PCDH9: variants seen among roughly 807,000 people sequenced by gnomAD.
PCDH9 encodes the protein protocadherin 9, also known as protocadherin-9.
In PCDH9, 24 loss-of-function variants were observed where a neutral mutation model predicts 70.6. That is an observed-to-expected ratio of 0.34 (90% CI 0.25 to 0.48). The LOEUF (loss-of-function observed/expected upper bound fraction) is 0.48. PCDH9 is among the 20% of genes least tolerant of loss of function. PCDH9 has a pLI of 0.99. For synonymous variants in PCDH9, 562 were observed against 558.5 expected, an observed-to-expected ratio of 1.01 and a Z score of -0.09; for missense variants, 1,281 against 1,503.6, an observed-to-expected ratio of 0.85 and a Z score of 2.45.
At chr13:66,514,611 A>G (rs747072622) in intron 4 of PCDH9, among the ~76,000 whole-genome samples, 4 of 152,074 alleles carry the variant, frequency 2.6e-5, no homozygotes, top group Non-Finnish European at 5.9e-5. Flanking sequence ...ATTCAACACC[A>G]AAGGAGTTTA....
intron 3 of PCDH9, among the ~76,000 whole-genome samples, chr13:66,636,601 T>C (rs2077640896): frequency 6.6e-6 from 1 of 152,146 alleles, no homozygotes; most frequent in African/African-American, 2.4e-5. Context: ...TTATTTGTAA[T>C]TGTTTAAATA....
chr13:66,628,416 T>C (rs1043388605), intron 4 of PCDH9, among the ~76,000 whole-genome samples: 5 of 152,208 alleles, frequency 3.3e-5, no homozygotes, highest in South Asian at 2.1e-4. Flanking sequence ...ACTTTATACA[T>C]TTGCCTTTAA....
At chr13:67,225,362 A>C (rs747139325) in intron 2 of PCDH9, 43 bp downstream of exon 2, 22 of 1,572,294 alleles carry the variant, frequency 1.4e-5, no homozygotes, top group Non-Finnish European at 1.8e-5. Context: ...TTGACTGGGC[A>C]CTTGTATGCA....
chr13:66,354,588 A>C (rs1186622065), intron 4 of PCDH9, among the ~76,000 whole-genome samples: 1 of 152,162 alleles, frequency 6.6e-6, no homozygotes, highest in Non-Finnish European at 1.5e-5. Flanking sequence ...ACTTTCTAAT[A>C]GCGGTAGAAG....
intron 2 of PCDH9, among the ~76,000 whole-genome samples, chr13:67,093,827 G>GGA (rs2086267292): frequency 2.0e-5 from 3 of 152,032 alleles, no homozygotes; most frequent in African/African-American, 7.2e-5. Flanking sequence ...ACTAATCCAA[G>GGA]TCAATATTAC....
chr13:66,938,740 C>T (rs74093668), intron 2 of PCDH9, among the ~76,000 whole-genome samples: 3,790 of 152,160 alleles, frequency 0.025, 155 homozygotes, highest in African/African-American at 0.086. Context: ...TGAGGGAAGG[C>T]CAGAGAATTA....
intron 2 of PCDH9, among the ~76,000 whole-genome samples, chr13:66,909,847 A>C (rs762152831): frequency 2.2e-4 from 33 of 152,112 alleles, no homozygotes; most frequent in Non-Finnish European, 3.1e-4. Context: ...TGCACAAACA[A>C]ATAAGCTTAT....
intron 2 of PCDH9, among the ~76,000 whole-genome samples, chr13:66,916,012 G>A (rs960884306): frequency 4.6e-5 from 7 of 151,466 alleles, no homozygotes; most frequent in Non-Finnish European, 1.5e-5. Context: ...GTTGAAAGGG[G>A]CATTACAGAT....
intron 4 of PCDH9, among the ~76,000 whole-genome samples, chr13:66,575,744 G>T (rs989015374): frequency 6.6e-6 from 1 of 151,826 alleles, no homozygotes; most frequent in African/African-American, 2.4e-5. Flanking sequence ...ACTATATCAC[G>T]TTATATCAAG....
intron 3 of PCDH9, among the ~76,000 whole-genome samples, chr13:66,813,685 A>T (rs2139366284): frequency 6.6e-6 from 1 of 152,300 alleles, no homozygotes; most frequent in African/African-American, 2.4e-5. Flanking sequence ...TATGATTTGC[A>T]TATTATTCTA....
intron 4 of PCDH9, among the ~76,000 whole-genome samples, chr13:66,537,167 C>T (rs1415297908): frequency 3.9e-5 from 6 of 152,024 alleles, no homozygotes; most frequent in South Asian, 2.1e-4. Flanking sequence ...TTATCTGCCT[C>T]GATGAGAACC....
At chr13:66,354,839 C>T (rs1956351914) in intron 4 of PCDH9, among the ~76,000 whole-genome samples, 1 of 152,064 alleles carries the variant, frequency 6.6e-6, no homozygotes, top group South Asian at 2.1e-4. Flanking sequence ...CAACTTTTGC[C>T]TGGACAGACA....
At chr13:66,692,375 T>C (rs1297335842) in intron 3 of PCDH9, among the ~76,000 whole-genome samples, 1 of 152,084 alleles carries the variant, frequency 6.6e-6, no homozygotes, top group Non-Finnish European at 1.5e-5. Flanking sequence ...CATAATTTAG[T>C]GTTCTTCATC....
chr13:66,776,742 C>T lies in PCDH9; in HGVS notation c.3138+126762G>A, dbSNP rs2079900646. Among the ~76,000 whole-genome samples, 4 of 151,578 alleles carry T rather than the reference C, an allele frequency of 2.6e-5. No homozygotes were observed. In the South Asian group the frequency reaches 8.4e-4, roughly 32 times the overall value. On this transcript the variant is annotated intron_variant, in intron 3 of 4. Transcript: ENST00000377865. Reference sequence around the variant, plus strand: ...CAGATTCAATGCCATCCCCATCAAGCTACCAATGACTTTCTTCACAGAATT... The same window carrying T: ...CAGATTCAATGCCATCCCCATCAAGTTACCAATGACTTTCTTCACAGAATT...
intron 4 of PCDH9, among the ~76,000 whole-genome samples, chr13:66,366,217 C>G (rs1956551990): frequency 6.6e-6 from 1 of 151,852 alleles, no homozygotes; most frequent in South Asian, 2.1e-4. Context: ...TTTTAAAAAT[C>G]TTTTTCTCAC....
chr13:66,681,831 T>G (rs2078324407), intron 3 of PCDH9, among the ~76,000 whole-genome samples: 1 of 151,896 alleles, frequency 6.6e-6, no homozygotes, highest in Admixed American at 6.6e-5. Context: ...TACTGTTCTA[T>G]TCCAGAGGAA....
chr13:67,157,224 T>C (rs1469139744), intron 2 of PCDH9, among the ~76,000 whole-genome samples: 1 of 152,188 alleles, frequency 6.6e-6, no homozygotes, highest in Non-Finnish European at 1.5e-5. Context: ...TTTTTTCACA[T>C]TCTTCCTTGC....
intron 4 of PCDH9, among the ~76,000 whole-genome samples, chr13:66,626,429 G>T (rs1406684478): frequency 6.6e-6 from 1 of 152,112 alleles, no homozygotes; most frequent in East Asian, 1.9e-4. Context: ...ATGGCATGAG[G>T]TATCAGCAAT....
chr13:67,042,616 T>C (rs1250261539), intron 2 of PCDH9, among the ~76,000 whole-genome samples: 1 of 152,208 alleles, frequency 6.6e-6, no homozygotes, highest in Non-Finnish European at 1.5e-5. Flanking sequence ...TGATGTCATA[T>C]ACAGATAGCT....
Sources: gnomAD v4.1 joint callset for allele counts (sites outside exome capture counted in the v4.1 genomes callset) on GRCh38, gnomAD v4.1.1 for gene constraint, MANE v1.5 for transcripts, NCBI Gene and HGNC (gene_info 2026-07-23, HGNC 2026-07-21) for gene names.